The following PALLD variants were observed in gnomAD, a reference collection of about 807,000 sequenced individuals.
PALLD encodes the protein palladin.
In PALLD, 61 loss-of-function variants were observed where a neutral mutation model predicts 123.5. The observed-to-expected ratio is 0.49, with a 90% CI of 0.40 to 0.61. The LOEUF is 0.61. PALLD is among the 20% of genes least tolerant of loss of function. The pLI, the probability that PALLD is intolerant of heterozygous loss-of-function variation, is 0.00. For synonymous variants in PALLD, 465 were observed against 496.4 expected (o/e 0.94, Z 0.84); for missense variants, 1,273 against 1,377.0 (o/e 0.92, Z 1.20).
rs113155664 is a variant in PALLD at position 168,536,326 on chromosome 4, C to T, written c.908+23914C>T. The stretch of plus-strand genomic sequence containing the variant: ...AACAAACCCTGTAACAAGGTTTTCC[C>T]TCTGTTTAGGATAAAGGTCTCTGGG... On this transcript the variant is annotated intron_variant, in intron 2 of 21. Transcript: ENST00000505667. Among the ~76,000 whole-genome samples, 290 of 152,228 alleles carry T rather than the reference C, an allele frequency of 1.9e-3. 1 individual carries two copies. The highest frequency in any genetic ancestry group is 6.1e-3 in the African/African-American group (254 of 41,536).
At chr4:168,610,141 T>C (rs558400418) in intron 2 of PALLD, among the ~76,000 whole-genome samples, 1 of 152,360 alleles carries the variant, frequency 6.6e-6, no homozygotes, top group South Asian at 2.1e-4. Flanking sequence ...ATATTTGATA[T>C]GCTTATTTTA....
chr4:168,856,939 A>T (rs974812302), intron 10 of PALLD, among the ~76,000 whole-genome samples: 1 of 152,260 alleles, frequency 6.6e-6, no homozygotes, highest in African/African-American at 2.4e-5. Context: ...TATGGGAAAC[A>T]GTGAGGACCA....
chr4:168,870,994 T>C (rs955063431), intron 10 of PALLD, among the ~76,000 whole-genome samples: 1 of 152,210 alleles, frequency 6.6e-6, no homozygotes, highest in African/African-American at 2.4e-5. Flanking sequence ...GTGGCTTCCC[T>C]GTGAGTAAAG....
chr4:168,858,953 T>G (rs548497433), intron 10 of PALLD, among the ~76,000 whole-genome samples: 9 of 152,314 alleles, frequency 5.9e-5, no homozygotes, highest in African/African-American at 1.9e-4. Flanking sequence ...AATATAAAAA[T>G]AGTCGGTGCG....
intron 2 of PALLD, among the ~76,000 whole-genome samples, chr4:168,607,043 A>G (rs1358996454): frequency 6.6e-6 from 1 of 152,196 alleles, no homozygotes; most frequent in Non-Finnish European, 1.5e-5. Context: ...TCACTAACCT[A>G]TGCTAAGAAC....
intron 2 of PALLD, among the ~76,000 whole-genome samples, chr4:168,564,644 G>A (rs187469281): frequency 2.6e-5 from 4 of 152,174 alleles, no homozygotes; most frequent in African/African-American, 9.6e-5. Context: ...TAAACATTTG[G>A]GGGCTAAACC....
At chr4:168,925,858 G>C (rs1477386801) in intron 21 of PALLD, among the ~76,000 whole-genome samples, 1 of 152,052 alleles carries the variant, frequency 6.6e-6, no homozygotes, top group East Asian at 1.9e-4. Flanking sequence ...GAATTCCTAA[G>C]TGCTATAATT....
intron 10 of PALLD, among the ~76,000 whole-genome samples, chr4:168,753,345 C>G (rs550498028): frequency 1.3e-5 from 2 of 152,116 alleles, no homozygotes; most frequent in Non-Finnish European, 2.9e-5. Context: ...TCCCTCCTTC[C>G]CCTGCTTCCT....
At chr4:168,815,934 A>T (rs1342164015) in intron 10 of PALLD, among the ~76,000 whole-genome samples, 1 of 152,220 alleles carries the variant, frequency 6.6e-6, no homozygotes, top group Non-Finnish European at 1.5e-5. Context: ...TTAATTTTTC[A>T]GTTGAGTTAG....
chr4:168,775,600 T>C (rs1272227615), intron 10 of PALLD, among the ~76,000 whole-genome samples: 1 of 152,228 alleles, frequency 6.6e-6, no homozygotes. Flanking sequence ...AAAGAAATTC[T>C]TGCCTAATCC....
At chr4:168,633,565 T>C (rs1776044246) in intron 2 of PALLD, among the ~76,000 whole-genome samples, 1 of 152,234 alleles carries the variant, frequency 6.6e-6, no homozygotes, top group South Asian at 2.1e-4. Flanking sequence ...GTTTATTTGT[T>C]GTATGGTTTT....
chr4:168,903,510 A>G (rs982839158), intron 14 of PALLD, among the ~76,000 whole-genome samples: 5 of 152,208 alleles, frequency 3.3e-5, no homozygotes, highest in Non-Finnish European at 7.3e-5. Flanking sequence ...TATAAATAAT[A>G]TATGAATGTA....
At chr4:168,597,924 C>T (rs1274667225) in intron 2 of PALLD, among the ~76,000 whole-genome samples, 3 of 151,960 alleles carry the variant, frequency 2.0e-5, no homozygotes, top group African/African-American at 4.8e-5. Context: ...ATTGTCCATG[C>T]CAATATTTCT....
At chr4:168,697,564 T>C (rs1488810069) in intron 8 of PALLD, among the ~76,000 whole-genome samples, 4 of 152,208 alleles carry the variant, frequency 2.6e-5, no homozygotes, top group African/African-American at 9.6e-5. Context: ...AGAAATCTCA[T>C]GTCTACTTGG....
At chr4:168,497,397 C>A (rs560662228) in intron 1 of PALLD, among the ~76,000 whole-genome samples, 1 of 152,278 alleles carries the variant, frequency 6.6e-6, no homozygotes, top group African/African-American at 2.4e-5. Flanking sequence ...TTTGCCTGCC[C>A]ACTTCATCTC....
chr4:168,722,040 T>C lies in PALLD; in HGVS notation c.1964+10117T>C, dbSNP rs1304339029. ...ATATGATATGAATAAGCTATTTATGTATATATGTATGTATGTATTTTCAAG... is the reference window on the plus strand; with the variant it reads ...ATATGATATGAATAAGCTATTTATGCATATATGTATGTATGTATTTTCAAG... On this transcript the variant is annotated intron_variant, in intron 10 of 21. Coordinates refer to ENST00000505667, the MANE Select transcript of PALLD (RefSeq NM_001166108.2). Among the ~76,000 whole-genome samples the C allele has an allele frequency of 3.3e-5, 5 of 152,198 alleles. No individual in the cohort carries two copies. The East Asian group carries it at 9.6e-4, about 29-fold the overall frequency.
In PALLD at chr4:168,917,266, T is replaced by G. The variant is rs190638567; in HGVS notation, c.2850+1239T>G. Among the ~76,000 whole-genome samples, 482 of 151,992 alleles carry G rather than the reference T, an allele frequency of 3.2e-3. 4 individuals are homozygous for G. The highest frequency in any genetic ancestry group is 0.011 in the African/African-American group (460 of 41,452). Reference sequence around the variant, plus strand: ...GGTTTCACCATATTGGCCAGGCTGGTCTCAAACTCCTGACCTCGTGATCCG... The same window carrying G: ...GGTTTCACCATATTGGCCAGGCTGGGCTCAAACTCCTGACCTCGTGATCCG... On this transcript the variant is annotated intron_variant, in intron 17 of 21. Coordinates refer to ENST00000505667, the MANE Select transcript of PALLD (RefSeq NM_001166108.2).
At chr4:168,860,777 G>A (rs566431000) in intron 10 of PALLD, among the ~76,000 whole-genome samples, 2 of 152,270 alleles carry the variant, frequency 1.3e-5, no homozygotes, top group South Asian at 2.1e-4. Context: ...AGCTGAGATC[G>A]TGCCACTGCA....
At chr4:168,907,941 ACT>A (rs1266887840) in intron 15 of PALLD, among the ~76,000 whole-genome samples, 4 of 152,084 alleles carry the variant, frequency 2.6e-5, no homozygotes, top group Non-Finnish European at 1.5e-5. Flanking sequence ...ATCAGTTGAC[ACT>A]CCCAGCATCT....
Sources: allele counts gnomAD v4.1 joint callset (sites outside exome capture counted in the v4.1 genomes callset), GRCh38; gene constraint gnomAD v4.1.1; transcripts MANE v1.5; gene names NCBI Gene and HGNC (gene_info 2026-07-23, HGNC 2026-07-21).